Variants in RABEPK observed in about 807,000 individuals in gnomAD.
RABEPK encodes Rab9 effector protein with kelch motifs, also known as 40 kDa Rab9 effector protein.
A neutral mutation model predicts 34.1 loss-of-function variants in RABEPK; 27 were observed. The ratio of observed to expected loss-of-function variants is 0.79; its 90% CI spans 0.58 to 1.09. The LOEUF is 1.09. Ranked by LOEUF, RABEPK falls within the 50% of genes least tolerant of loss-of-function variation. RABEPK has a pLI of 0.00. For synonymous variants in RABEPK, 172 were observed against 169.2 expected (o/e 1.02, Z -0.13); for missense variants, 449 against 462.6 (o/e 0.97, Z 0.27).
At chr9:125,231,663 C>T (rs1234690883) in intron 6 of RABEPK, among the ~76,000 whole-genome samples, 1 of 151,436 alleles carries the variant, frequency 6.6e-6, no homozygotes. Context: ...TTAGCCAGAC[C>T]CGGTGGCAGG....
chr9:125,207,333 A>T (rs1386221278), intron 2 of RABEPK, among the ~76,000 whole-genome samples: 4 of 152,154 alleles, frequency 2.6e-5, no homozygotes, highest in Non-Finnish European at 5.9e-5. Flanking sequence ...AGCCCAGTGC[A>T]TTCCTACCAG....
intron 5 of RABEPK, among the ~76,000 whole-genome samples, chr9:125,226,248 T>C (rs868492840): frequency 1.4e-5 from 2 of 144,482 alleles, no homozygotes; most frequent in African/African-American, 5.2e-5. Flanking sequence ...ACCTGGGAGG[T>C]GGAGGTTGCA....
chr9:125,224,606 C>A (rs1189571907), intron 5 of RABEPK, among the ~76,000 whole-genome samples: 2 of 151,980 alleles, frequency 1.3e-5, no homozygotes, highest in Non-Finnish European at 2.9e-5. Context: ...GCACATGCCA[C>A]CACGCCTGGC....
intron 6 of RABEPK, among the ~76,000 whole-genome samples, chr9:125,231,471 T>A (rs1415946608): frequency 6.6e-6 from 1 of 152,134 alleles, no homozygotes; most frequent in Non-Finnish European, 1.5e-5. Flanking sequence ...GACAAGTCTC[T>A]TTCCTTCTCT....
At chr9:125,231,378 C>T (rs970616898) in intron 6 of RABEPK, among the ~76,000 whole-genome samples, 5 of 152,160 alleles carry the variant, frequency 3.3e-5, no homozygotes, top group African/African-American at 1.2e-4. Flanking sequence ...AGCACATTAT[C>T]GTGTAGAGAT....
intron 6 of RABEPK, among the ~76,000 whole-genome samples, chr9:125,230,570 C>T (rs1407047023): frequency 1.4e-5 from 2 of 147,850 alleles, no homozygotes; most frequent in Non-Finnish European, 3.0e-5. Flanking sequence ...GAGTCTCGCT[C>T]TGTTGCCCAG....
intron 5 of RABEPK, chr9:125,222,294 G>T (rs1263334763): frequency 6.6e-6 from 1 of 151,498 alleles, no homozygotes; most frequent in African/African-American, 2.4e-5. Flanking sequence ...AAACTATAAG[G>T]AACAAGAAAA....
At chr9:125,214,738 G>A (rs1830810087) in intron 4 of RABEPK, among the ~76,000 whole-genome samples, 2 of 150,424 alleles carry the variant, frequency 1.3e-5, no homozygotes, top group African/African-American at 2.4e-5. Context: ...ACAAATAAGT[G>A]GAAAAAGTCA....
At chr9:125,224,347 A>C (rs1248083559) in intron 5 of RABEPK, among the ~76,000 whole-genome samples, 2 of 152,084 alleles carry the variant, frequency 1.3e-5, no homozygotes, top group African/African-American at 4.8e-5. Flanking sequence ...AAAACGTAAT[A>C]ATCATCATAT....
chr9:125,204,783 C>T (rs1026913678), intron 2 of RABEPK, among the ~76,000 whole-genome samples: 15 of 152,264 alleles, frequency 9.9e-5, no homozygotes, highest in African/African-American at 3.1e-4. Context: ...GCCTGGAGTG[C>T]TCTTTCCCTC....
chr9:125,212,388 T>C (rs1414023079), intron 3 of RABEPK, among the ~76,000 whole-genome samples: 1 of 151,872 alleles, frequency 6.6e-6, no homozygotes, highest in Non-Finnish European at 1.5e-5. Context: ...CCCAGCTAAT[T>C]TTTTGTATTT....
At chr9:125,225,074 C>A (rs1285390457) in intron 5 of RABEPK, among the ~76,000 whole-genome samples, 2 of 151,926 alleles carry the variant, frequency 1.3e-5, no homozygotes. Flanking sequence ...GACAACATAG[C>A]AAGACCCCAT....
rs530638759 is a variant in RABEPK, at chr9:125,216,432, A to G, written c.364+2910A>G. 1.4e-4 allele frequency among the ~76,000 whole-genome samples: 21 copies of G among 152,086 alleles called. 1 individual carries two copies. The East Asian group carries it at 3.3e-3, about 24-fold the overall frequency. On this transcript the variant is annotated intron_variant, in intron 4 of 7. Coordinates refer to ENST00000373538, the MANE Select transcript of RABEPK (RefSeq NM_005833.4). Reference sequence around the variant, plus strand: ...AAAATTAAAATTAAAAAAAAAAACTATTGTACAATAGTTGGTCAGAGTTCA... The same window carrying G: ...AAAATTAAAATTAAAAAAAAAAACTGTTGTACAATAGTTGGTCAGAGTTCA...
At chr9:125,204,766 T>TA (rs1342790066) in intron 2 of RABEPK, among the ~76,000 whole-genome samples, 6 of 150,694 alleles carry the variant, frequency 4.0e-5, no homozygotes, top group African/African-American at 1.5e-4. Context: ...CCTGGACTGC[T>TA]CTTTCTGCCT....
At position 125,228,000 on chromosome 9, in the gene RABEPK, TC is replaced by T; in HGVS notation, c.618del (p.Phe206LeufsTer20). On this transcript the variant is annotated frameshift_variant, in exon 6 of 8. Transcript: ENST00000373538. LOFTEE classifies it high-confidence loss of function. ...HVMVAAGTKL[F>X]IHGGLAGDRF... The stretch of plus-strand genomic sequence containing the variant: ...ATGGTGGCAGCAGGGACAAAGCTCT[TC>T]ATCCACGGAGGCTTGGCGGGGGACA... The T allele has an allele frequency of 1.2e-6, 2 of 1,607,110 alleles. No individual in the cohort carries two copies. Among genetic ancestry groups the T allele is most frequent in the Non-Finnish European group, 1.7e-6 (2 of 1,176,026 alleles).
intron 6 of RABEPK, among the ~76,000 whole-genome samples, chr9:125,231,572 G>A (rs1832181002): frequency 6.6e-6 from 1 of 152,120 alleles, no homozygotes; most frequent in African/African-American, 2.4e-5. Flanking sequence ...GGAGGCCGAG[G>A]TGGGTGGATC....
chr9:125,220,431 G>A (rs1831241200), intron 4 of RABEPK, 108 bp from the exon 5 acceptor site: 2 of 1,499,994 alleles, frequency 1.3e-6, no homozygotes, highest in Non-Finnish European at 1.8e-6. Flanking sequence ...AACTATGCTG[G>A]CCCCCCTGGG....
chr9:125,213,554 C>A (rs1830724018), intron 4 of RABEPK, 32 bp downstream of exon 4: 1 of 1,581,486 alleles, frequency 6.3e-7, no homozygotes, highest in African/African-American at 1.3e-5. Context: ...TATTTACGTA[C>A]ATACAAATAA....
At chr9:125,217,977 T>A (rs1831039370) in intron 4 of RABEPK, among the ~76,000 whole-genome samples, 1 of 151,850 alleles carries the variant, frequency 6.6e-6, no homozygotes, top group African/African-American at 2.4e-5. Context: ...AAGACAGAAT[T>A]TCTTGGTGTG....
Sources: allele counts gnomAD v4.1 joint callset (sites outside exome capture counted in the v4.1 genomes callset), GRCh38; gene constraint gnomAD v4.1.1; transcripts MANE v1.5; gene names NCBI Gene and HGNC (gene_info 2026-07-23, HGNC 2026-07-21).